PDE4D: variants seen among roughly 807,000 people sequenced by gnomAD.
The protein encoded by PDE4D is phosphodiesterase 4D, also known as 3',5'-cyclic-AMP phosphodiesterase 4D.
In PDE4D, 24 loss-of-function variants were observed where a neutral mutation model predicts 87.4. The ratio of observed to expected loss-of-function variants is 0.27; its 90% CI spans 0.20 to 0.39. The LOEUF (loss-of-function observed/expected upper bound fraction) is 0.39. PDE4D is among the 10% of genes least tolerant of loss of function. The pLI is 1.00. For missense variants in PDE4D, 714 were observed against 1,041.0 expected, an observed-to-expected ratio of 0.69 and a Z score of 4.32; for synonymous variants, 384 against 383.2, an observed-to-expected ratio of 1.00 and a Z score of -0.02.
At chr5:60,430,815 C>T (rs1231402287) in intron 1 of PDE4D, 5 of 269,410 alleles carry the variant, frequency 1.9e-5, no homozygotes, top group South Asian at 1.8e-4. Flanking sequence ...TCCATTTAAC[C>T]CTGAGTGGAC....
intron 11 of PDE4D, among the ~76,000 whole-genome samples, chr5:58,982,531 C>A (rs1298402581): frequency 6.6e-6 from 1 of 152,182 alleles, no homozygotes; most frequent in Non-Finnish European, 1.5e-5. Context: ...CATCTGTTTC[C>A]AGAGAAAGTG....
At chr5:59,381,275 G>A (rs1302849111) in intron 1 of PDE4D, among the ~76,000 whole-genome samples, 5 of 151,918 alleles carry the variant, frequency 3.3e-5, no homozygotes, top group Admixed American at 1.3e-4. Context: ...TATCAACTCC[G>A]TTCTGATGAC....
intron 3 of PDE4D, among the ~76,000 whole-genome samples, chr5:59,962,994 T>C (rs1759644599): frequency 6.6e-6 from 1 of 152,124 alleles, no homozygotes; most frequent in African/African-American, 2.4e-5. Context: ...TAAGAGAAAC[T>C]AAAAGACTGG....
At chr5:60,283,613 G>A (rs1247219212) in intron 1 of PDE4D, among the ~76,000 whole-genome samples, 1 of 152,164 alleles carries the variant, frequency 6.6e-6, no homozygotes, top group Non-Finnish European at 1.5e-5. Context: ...TTACTGCGAA[G>A]TTACATATGC....
intron 1 of PDE4D, among the ~76,000 whole-genome samples, chr5:59,456,028 C>T (rs984255631): frequency 6.6e-6 from 1 of 152,104 alleles, no homozygotes; most frequent in African/African-American, 2.4e-5. Context: ...GAAGGGACTC[C>T]CCTTGTCTCA....
intron 1 of PDE4D, among the ~76,000 whole-genome samples, chr5:59,243,396 T>A (rs1485534996): frequency 6.6e-6 from 1 of 151,580 alleles, no homozygotes; most frequent in East Asian, 1.9e-4. Context: ...AATATATAAA[T>A]GTTTTCCCTT....
At chr5:59,169,568 A>G (rs1318181674) in intron 5 of PDE4D, among the ~76,000 whole-genome samples, 5 of 152,190 alleles carry the variant, frequency 3.3e-5, no homozygotes. Context: ...AGATAATAAT[A>G]TCACCTTGTA....
At chr5:59,480,090 A>AT (rs912450230) in intron 1 of PDE4D, among the ~76,000 whole-genome samples, 1 of 151,476 alleles carries the variant, frequency 6.6e-6, no homozygotes. Context: ...TGTATTTTTA[A>AT]TTTTTTTTCA....
intron 1 of PDE4D, among the ~76,000 whole-genome samples, chr5:60,424,252 T>A (rs375638041): frequency 1.3e-5 from 2 of 152,222 alleles, no homozygotes; most frequent in East Asian, 3.9e-4. Flanking sequence ...TAGACCATTA[T>A]CCCTGATGAA....
chr5:59,390,014 AAAT>A (rs1787920443), intron 1 of PDE4D, among the ~76,000 whole-genome samples: 3 of 152,162 alleles, frequency 2.0e-5, no homozygotes, highest in Admixed American at 2.0e-4. Context: ...CCAACACAAA[AAAT>A]AATAATCGTT....
At chr5:59,135,020 AG>A (rs1217038182) in intron 5 of PDE4D, among the ~76,000 whole-genome samples, 1 of 152,138 alleles carries the variant, frequency 6.6e-6, no homozygotes, top group Non-Finnish European at 1.5e-5. Flanking sequence ...GGTTGCAATG[AG>A]TTACATAATG....
chr5:60,243,738 T>C (rs1747396333), intron 1 of PDE4D, among the ~76,000 whole-genome samples: 2 of 151,956 alleles, frequency 1.3e-5, no homozygotes, highest in South Asian at 4.1e-4. Flanking sequence ...GAAAAAGCAT[T>C]TGATAAAATT....
intron 1 of PDE4D, among the ~76,000 whole-genome samples, chr5:59,298,861 T>A (rs1417624910): frequency 6.6e-6 from 1 of 152,218 alleles, no homozygotes; most frequent in African/African-American, 2.4e-5. Flanking sequence ...TAACTGCACA[T>A]CTGATTTTGT....
chr5:59,221,013 C>G (rs1367591885), intron 1 of PDE4D, among the ~76,000 whole-genome samples: 1 of 152,102 alleles, frequency 6.6e-6, no homozygotes, highest in Non-Finnish European at 1.5e-5. Flanking sequence ...GTTCCAGGCG[C>G]TGTGCTTTGC....
At chr5:59,455,776 C>G (rs1799826856) in intron 1 of PDE4D, among the ~76,000 whole-genome samples, 1 of 152,208 alleles carries the variant, frequency 6.6e-6, no homozygotes, top group African/African-American at 2.4e-5. Context: ...GTGGAGCCGC[C>G]CAAGACCATG....
intron 1 of PDE4D, among the ~76,000 whole-genome samples, chr5:60,352,925 T>C (rs1307119437): frequency 6.6e-6 from 1 of 152,216 alleles, no homozygotes; most frequent in African/African-American, 2.4e-5. Context: ...GACTTGACAT[T>C]GAAACAATAT....
At chr5:60,278,227 ATG>A in intron 1 of PDE4D, among the ~76,000 whole-genome samples, 1 of 152,240 alleles carries the variant, frequency 6.6e-6, no homozygotes, top group South Asian at 2.1e-4. Flanking sequence ...ATAAAAAAAA[ATG>A]TGTGTCACTT....
At chr5:59,191,677 TC>T (rs1744352405) in intron 3 of PDE4D, among the ~76,000 whole-genome samples, 1 of 152,084 alleles carries the variant, frequency 6.6e-6, no homozygotes, top group African/African-American at 2.4e-5. Context: ...CAAGCAATTA[TC>T]CTGCCTCAGC....
chr5:60,007,543 A>T (rs1259465839), intron 2 of PDE4D, among the ~76,000 whole-genome samples: 1 of 151,904 alleles, frequency 6.6e-6, no homozygotes, highest in Non-Finnish European at 1.5e-5. Flanking sequence ...TAACTGGCAA[A>T]CTGCTTTCTC....
Sources: allele counts gnomAD v4.1 joint callset (sites outside exome capture counted in the v4.1 genomes callset), GRCh38; gene constraint gnomAD v4.1.1; transcripts MANE v1.5; gene names NCBI Gene and HGNC (gene_info 2026-07-23, HGNC 2026-07-21).